Variants in ING2 observed in about 807,000 individuals in gnomAD.
ING2 encodes inhibitor of growth protein 2.
ING2 carries 7 observed loss-of-function variants against 30.6 expected under a neutral mutation model. The observed-to-expected ratio is 0.23, with a 90% CI of 0.13 to 0.43. The LOEUF (loss-of-function observed/expected upper bound fraction) is 0.43, where lower values mean the gene tolerates loss of function less well. Ranked by LOEUF, ING2 falls within the 20% of genes least tolerant of loss-of-function variation. The probability of loss-of-function intolerance (pLI) is 1.00; values close to 1 mark genes in which losing one functional copy is unlikely to be tolerated. For synonymous variants in ING2, 136 were observed against 121.7 expected, an observed-to-expected ratio of 1.12 and a Z score of -0.78; for missense variants, 239 against 334.9, an observed-to-expected ratio of 0.71 and a Z score of 2.24.
chr4:183,505,098 C>T lies in ING2; in HGVS notation c.-98C>T, dbSNP rs1409419049. 3.3e-6 allele frequency: 4 copies of T among 1,213,218 alleles called. No homozygotes were observed. Among genetic ancestry groups the T allele is most frequent in the Non-Finnish European group, 3.2e-6 (3 of 949,034 alleles). The allele number at this position is 1,213,218 out of a possible 1,614,324, so 75.2% of individuals were successfully genotyped here. A position where few individuals can be genotyped will look rare whatever the true frequency, so the allele number is the denominator to read the frequency against. ...CTCTCGAGCGGCTGCGGGGTCCCCG[C>T]GGCGCCGGGCTGCTGAGCTGAGGGC... On this transcript the variant is annotated 5_prime_UTR_variant, in exon 1 of 2. Transcript: ENST00000302327.
At position 183,512,092 on chromosome 4, in the gene ING2, T is replaced by C. The variant is rs981197676; in HGVS notation, c.*1140T>C. 6.6e-6 allele frequency among the ~76,000 whole-genome samples: 1 copy of C among 152,232 alleles called. No individual in the cohort carries two copies. Among genetic ancestry groups the C allele is most frequent in the African/African-American group, 2.4e-5 (1 of 41,468 alleles). On this transcript the variant is annotated 3_prime_UTR_variant, in exon 2 of 2. Coordinates refer to ENST00000302327, the MANE Select transcript of ING2 (RefSeq NM_001564.4). ...AAGCATCTTGATGGATATATGTCCA[T>C]ATGTTTAGAGAAGGTTTTGGTTTTG...
At chr4:183,506,437 A>G in intron 1 of ING2, 1 of 670,386 alleles carries the variant, frequency 1.5e-6, no homozygotes, top group African/African-American at 1.9e-5. Flanking sequence ...AGGCGAAACC[A>G]CCCTTTGCCG....
chr4:183,508,774 G>C (rs1223382438), intron 1 of ING2, among the ~76,000 whole-genome samples: 1 of 152,152 alleles, frequency 6.6e-6, no homozygotes, highest in Non-Finnish European at 1.5e-5. Context: ...CTTTGAGATA[G>C]CATTACATCT....
At chr4:183,506,124 G>C in intron 1 of ING2, 1 of 1,228,440 alleles carries the variant, frequency 8.1e-7, no homozygotes, top group South Asian at 1.4e-5. Context: ...CTGGAAAATG[G>C]CTGGTCGCGA....
At chr4:183,505,449 G>C (rs1171297976) in intron 1 of ING2, 82 bp downstream of exon 1, 27 of 1,338,274 alleles carry the variant, frequency 2.0e-5, no homozygotes, top group Non-Finnish European at 2.3e-5. Context: ...TTTCTCCCGT[G>C]ACAGTCTCCC....
chr4:183,509,972 G>T (rs1007117455), intron 1 of ING2, among the ~76,000 whole-genome samples: 2 of 145,344 alleles, frequency 1.4e-5, no homozygotes, highest in Non-Finnish European at 3.0e-5. Flanking sequence ...CTGACCTCAG[G>T]TGATCCACCT....
At chr4:183,505,974 C>G (rs1734632734) in intron 1 of ING2, 1 of 622,210 alleles carries the variant, frequency 1.6e-6, no homozygotes, top group South Asian at 2.7e-5. Flanking sequence ...GTTCTTTCGG[C>G]AAAATGGTTA....
chr4:183,507,339 G>C (rs971458739), intron 1 of ING2, among the ~76,000 whole-genome samples: 1 of 152,320 alleles, frequency 6.6e-6, no homozygotes, highest in African/African-American at 2.4e-5. Flanking sequence ...GACCTCAGGG[G>C]ACCCGCCCGC....
At chr4:183,505,439 T>C in intron 1 of ING2, 72 bp downstream of exon 1, 4 of 1,367,860 alleles carry the variant, frequency 2.9e-6, no homozygotes, top group Middle Eastern at 2.6e-4. Context: ...CCACCTTCCC[T>C]TTCTCCCGTG....
chr4:183,511,175 AG>A lies in ING2; in HGVS notation c.*226del. 1 of 405,538 alleles carries A rather than the reference AG, an allele frequency of 2.5e-6. No individual in the cohort carries two copies. Among genetic ancestry groups the A allele is most frequent in the Non-Finnish European group, 4.4e-6 (1 of 227,818 alleles). 25.1% of individuals were successfully genotyped at this position (405,538 alleles called of 1,614,324 possible). On this transcript the variant is annotated 3_prime_UTR_variant, in exon 2 of 2. Transcript: ENST00000302327. Reference sequence around the variant, plus strand: ...CTTCAGATCACCTGATGAAAGGAGCAGGGAACAGGAAGAGGGTGGTGTAAAC... The same window carrying A: ...CTTCAGATCACCTGATGAAAGGAGCAGGAACAGGAAGAGGGTGGTGTAAAC...
In ING2 at chr4:183,511,849, G is replaced by A. The variant is rs1734828340; in HGVS notation, c.*897G>A. Among the ~76,000 whole-genome samples the A allele has an allele frequency of 6.6e-6, 1 of 152,148 alleles. No homozygotes were observed. Among genetic ancestry groups the A allele is most frequent in the Admixed American group, 6.5e-5 (1 of 15,282 alleles). On this transcript the variant is annotated 3_prime_UTR_variant, in exon 2 of 2. Transcript: ENST00000302327. ...GGGCATATAGTAGTCTTTAAATATT[G>A]CCTTTATGTCAGAGAGTTGTTTTAA...
chr4:183,510,245 C>A, intron 1 of ING2, 37 bp from the exon 2 acceptor site: 1 of 1,389,130 alleles, frequency 7.2e-7, no homozygotes, highest in Non-Finnish European at 9.9e-7. Flanking sequence ...TCTGCTAACA[C>A]ATGATAACGT....
chr4:183,506,413 G>T (rs1734650239), intron 1 of ING2: 1 of 899,588 alleles, frequency 1.1e-6, no homozygotes, highest in Admixed American at 2.3e-5. Context: ...CTCCTTCTCC[G>T]ACTTTAAGTG....
intron 1 of ING2, chr4:183,506,319 G>A: frequency 7.7e-7 from 1 of 1,303,550 alleles, no homozygotes; most frequent in Non-Finnish European, 1.0e-6. Flanking sequence ...CTGGCTCCGC[G>A]TAGGTTCCGG....
Position 183,505,351 on chromosome 4 carries a change from G to A in ING2, c.156G>A (p.Leu52=), listed in dbSNP as rs1416031883. Residue 52 remains leucine, a synonymous_variant, in exon 1 of 2, where the codon CTG becomes CTA. Transcript: ENST00000302327. ...MQRNVSVLRE[L]DNKYQETLKE... ...GGAACGTGTCTGTGCTGCGAGAGCT[G>A]GACAACAAATATCAAGGTAGGAGCC... The A allele has an allele frequency of 5.2e-6, 8 of 1,539,466 alleles. No homozygotes were observed. The highest frequency in any genetic ancestry group is 3.6e-5 in the South Asian group (3 of 83,346).
chr4:183,510,279 T>A lies in ING2; in HGVS notation c.173-3T>A, dbSNP rs1734791523. Reference sequence around the variant, plus strand: ...GTTCTCATTTTTCTTTTCCTTTTTTTAGAAACGTTAAAGGAAATTGATGAT... The same window carrying A: ...GTTCTCATTTTTCTTTTCCTTTTTTAAGAAACGTTAAAGGAAATTGATGAT... On this transcript the variant is annotated splice_polypyrimidine_tract_variant and splice_region_variant and intron_variant, in intron 1 of 1. Coordinates refer to ENST00000302327, the MANE Select transcript of ING2 (RefSeq NM_001564.4). 6.4e-7 allele frequency: 1 copy of A among 1,551,256 alleles called. No homozygotes were observed. Among genetic ancestry groups the A allele is most frequent in the Non-Finnish European group, 8.7e-7 (1 of 1,148,962 alleles).
At chr4:183,505,498 CT>C (rs1377605813) in intron 1 of ING2, 131 bp downstream of exon 1, 17 of 941,678 alleles carry the variant, frequency 1.8e-5, no homozygotes, top group Admixed American at 7.0e-5. Flanking sequence ...ACTGGGAGGA[CT>C]GGAGACCGGG....
At chr4:183,505,767 C>A (rs1300675177) in intron 1 of ING2, among the ~76,000 whole-genome samples, 1 of 151,998 alleles carries the variant, frequency 6.6e-6, no homozygotes, top group Non-Finnish European at 1.5e-5. Context: ...GTCTGCGGGG[C>A]GCGCTTCCCC....
intron 1 of ING2, chr4:183,505,940 G>A (rs968793512): frequency 8.3e-5 from 28 of 338,862 alleles, no homozygotes; most frequent in Non-Finnish European, 1.2e-4. Flanking sequence ...GTTCGCGGGC[G>A]CCCCGCGTTG....
Sources: allele counts gnomAD v4.1 joint callset (sites outside exome capture counted in the v4.1 genomes callset), GRCh38; gene constraint gnomAD v4.1.1; transcripts MANE v1.5; gene names NCBI Gene and HGNC (gene_info 2026-07-23, HGNC 2026-07-21).